PSG8: variants seen among roughly 807,000 people sequenced by gnomAD.
PSG8 encodes the protein pregnancy specific beta-1-glycoprotein 8, also known as pregnancy-specific beta-1-glycoprotein 8.
In PSG8, 57 loss-of-function variants were observed where a neutral mutation model predicts 42.5. The ratio of observed to expected loss-of-function variants is 1.34; its 90% CI spans 1.08 to 1.67. The LOEUF is 1.67. Among genes scored for constraint, PSG8 ranks in the 40% most tolerant of loss-of-function variants. The probability of loss-of-function intolerance (pLI) is 0.00; values close to 1 mark genes in which losing one functional copy is unlikely to be tolerated. For missense variants in PSG8, 783 were observed against 518.6 expected, an observed-to-expected ratio of 1.51 and a Z score of -4.95; for synonymous variants, 280 against 196.8, an observed-to-expected ratio of 1.42 and a Z score of -3.54.
rs534233812 is a variant in PSG8 at position 42,765,669 on chromosome 19, G to T, written c.-88C>A. On this transcript the variant is annotated 5_prime_UTR_variant, in exon 1 of 5. Coordinates refer to ENST00000306511, the MANE Select transcript of PSG8 (RefSeq NM_182707.3). ...GCACAGCTCTCAGCAGTGCTGTCCT[G>T]CCTCCTTCTGCGCTGAGCTTCTTCC... 1.2e-4 allele frequency: 191 copies of T among 1,539,378 alleles called. 1 individual carries two copies. In the East Asian group the frequency reaches 3.2e-3, roughly 26 times the overall value.
chr19:42,763,207 C>T (rs937021841), intron 2 of PSG8, among the ~76,000 whole-genome samples: 1 of 152,156 alleles, frequency 6.6e-6, no homozygotes, highest in African/African-American at 2.4e-5. Flanking sequence ...CCAGGTACAT[C>T]TTCTCTCTTG....
intron 1 of PSG8, 143 bp from the exon 2 acceptor site, chr19:42,764,424 A>T (rs935058551): frequency 1.4e-6 from 2 of 1,398,614 alleles, no homozygotes; most frequent in Non-Finnish European, 1.9e-6. Context: ...GCACACACAC[A>T]CACAAAAGCG....
intron 2 of PSG8, among the ~76,000 whole-genome samples, chr19:42,761,571 A>C (rs938868784): frequency 7.9e-5 from 12 of 152,136 alleles, no homozygotes; most frequent in Admixed American, 6.5e-5. Context: ...TGGCTCAGCC[A>C]GTCATGTGGT....
In PSG8 at chr19:42,755,140, C is replaced by T. The variant is rs374595113; in HGVS notation, c.836G>A (p.Ser279Asn). The change falls in exon 4 of 5, where the codon AGC (serine) becomes AAC (asparagine). Residue 279 changes from serine to asparagine, a missense_variant. Ser to Asn is a conservative substitution (Grantham distance 46). Transcript: ENST00000306511. The stretch of plus-strand genomic sequence containing the variant: ...CTTTACCCTGGGACTGACCGGGAGG[C>T]TCTGACCATTTAGCCACCAAATGTA... ...YTYIWWLNGQSLPVSPRVKRP... is the reference protein window; with the variant it reads ...YTYIWWLNGQNLPVSPRVKRP... 15 of 1,611,876 alleles carry T rather than the reference C, an allele frequency of 9.3e-6. No individual in the cohort carries two copies. The highest frequency in any genetic ancestry group is 1.3e-5 in the African/African-American group (1 of 74,930).
rs1969861771 is a variant in PSG8 at position 42,754,472 on chromosome 19, A to T, written c.1104T>A (p.Ile368=). ...SNPPAQYSWT[I]NGKFQLSGQK... ...GTCCTGATAGCTGAAACTTCCCATT[A>T]ATTGTCCAAGAATACTGTGCCGGTG... The change falls in exon 5 of 5, where the codon ATT becomes ATA. Residue 368 remains isoleucine, a synonymous_variant. Transcript: ENST00000306511. 1 of 1,613,772 alleles carries T rather than the reference A, an allele frequency of 6.2e-7. No homozygotes were observed. Among genetic ancestry groups the T allele is most frequent in the African/African-American group, 1.3e-5 (1 of 74,904 alleles).
intron 2 of PSG8, among the ~76,000 whole-genome samples, chr19:42,762,556 G>A (rs1270283503): frequency 6.6e-6 from 1 of 152,036 alleles, no homozygotes; most frequent in Non-Finnish European, 1.5e-5. Flanking sequence ...TTATGTGAGA[G>A]CTCCTGAGTG....
At chr19:42,764,413 C>T (rs755097770) in intron 1 of PSG8, 132 bp from the exon 2 acceptor site, 71 of 1,415,432 alleles carry the variant, frequency 5.0e-5, no homozygotes, top group South Asian at 1.1e-4. Context: ...TACAAACACA[C>T]GCACACACAC....
In PSG8 at chr19:42,763,909, C is replaced by G. The variant is rs201478462; in HGVS notation, c.430+7G>C. Reference sequence around the variant, plus strand: ...CCAACACCCAGGGATCATGTGGAATCACTCACGATATAAGGTGAAGGTGAA... The same window carrying G: ...CCAACACCCAGGGATCATGTGGAATGACTCACGATATAAGGTGAAGGTGAA... On this transcript the variant is annotated splice_region_variant and intron_variant, in intron 2 of 4. Coordinates refer to ENST00000306511, the MANE Select transcript of PSG8 (RefSeq NM_182707.3). 4,000 of 1,613,596 alleles carry G rather than the reference C, an allele frequency of 2.5e-3. 20 individuals are homozygous for G. Among genetic ancestry groups the G allele is most frequent in the Non-Finnish European group, 3.1e-3 (3,714 of 1,179,698 alleles).
rs562770561 is a variant in PSG8 at position 42,757,523 on chromosome 19, G to T, written c.709+479C>A. Among the ~76,000 whole-genome samples, 6 of 152,096 alleles carry T rather than the reference G, an allele frequency of 3.9e-5. No homozygotes were observed. The East Asian group carries it at 1.2e-3, about 29-fold the overall frequency. ...CTGCCAGTGGGTGAGAGTCTGTGAG[G>T]CAGGAGAGCTTGGGGACTTCCCCTG... On this transcript the variant is annotated intron_variant, in intron 3 of 4. Transcript: ENST00000306511.
At chr19:42,757,638 G>T (rs547452317) in intron 3 of PSG8, among the ~76,000 whole-genome samples, 1 of 152,084 alleles carries the variant, frequency 6.6e-6, no homozygotes, top group East Asian at 1.9e-4. Context: ...ATTTTCAGAG[G>T]GAAGGGAAAA....
intron 3 of PSG8, chr19:42,755,740 C>A (rs539456951): frequency 3.1e-4 from 55 of 178,622 alleles, no homozygotes; most frequent in Non-Finnish European, 4.8e-4. Context: ...TCCTGAAACC[C>A]TGAAGATACT....
At chr19:42,754,146 A>T, downstream of PSG8, 3 of 1,421,492 alleles carry the variant, frequency 2.1e-6, no homozygotes, top group Non-Finnish European at 2.9e-6. Context: ...TTTTATGAAG[A>T]TATCAGCCTG....
At position 42,764,085 on chromosome 19, in the gene PSG8, T is replaced by A. The variant is rs938657320; in HGVS notation, c.261A>T (p.Gln87His). The change falls in exon 2 of 5, where the codon CAA (glutamine) becomes CAT (histidine). Residue 87 changes from glutamine (Q) to histidine (H), a missense_variant. Transcript: ENST00000306511. ...TGTATGCAGGCCCATATATAATTAT[T>A]TGACCGTCTACTACATATGATGTAA... Reference protein sequence around the residue: ...HYITSYVVDGQIIIYGPAYSG... With the variant: ...HYITSYVVDGHIIIYGPAYSG... 3 of 1,613,784 alleles carry A rather than the reference T, an allele frequency of 1.9e-6. No homozygotes were observed. In the Admixed American group the frequency reaches 5.0e-5, roughly 27 times the overall value.
At chr19:42,765,453 A>T (rs927317280) in intron 1 of PSG8, 65 bp downstream of exon 1, 4 of 1,597,948 alleles carry the variant, frequency 2.5e-6, no homozygotes, top group East Asian at 2.2e-5. Context: ...CCATACTCTC[A>T]AGGAGACCCC....
chr19:42,758,217 A>C lies in PSG8; in HGVS notation c.494T>G (p.Val165Gly), dbSNP rs1969981028. Residue 165 changes from valine (V) to glycine (G), a missense_variant, in exon 3 of 5, where the codon GTG (valine) becomes GGG (glycine). Transcript: ENST00000306511. ...AGTCTCAGGATCACAGGTTAAGCTC[A>C]CAGCCTCCATGGCCTCCCTGGGGTT... ...KLNPREAMEAVSLTCDPETPD... is the reference protein window; with the variant it reads ...KLNPREAMEAGSLTCDPETPD... 1 of 1,614,074 alleles carries C rather than the reference A, an allele frequency of 6.2e-7. No homozygotes were observed. The highest frequency in any genetic ancestry group is 1.3e-5 in the African/African-American group (1 of 75,042).
rs1058758 is a variant in PSG8 at position 42,754,493 on chromosome 19, C to T, written c.1083G>A (p.Pro361=). The change falls in exon 5 of 5, where the codon CCG becomes CCA. Residue 361 remains proline, a synonymous_variant. Transcript: ENST00000306511. ...YLSCSADSNP[P]AQYSWTINGK... is the part of the protein sequence containing the mutation. ...CATTAATTGTCCAAGAATACTGTGC[C>T]GGTGGGTTAGAGTCCGCAGAACAGG... The T allele has an allele frequency of 1.7e-5, 27 of 1,613,650 alleles. 1 individual carries two copies. In the Middle Eastern group the frequency reaches 4.9e-4, roughly 30 times the overall value.
At chr19:42,753,657 C>T (rs1325029961), downstream of PSG8, among the ~76,000 whole-genome samples, 3 of 152,104 alleles carry the variant, frequency 2.0e-5, no homozygotes, top group African/African-American at 7.2e-5. Flanking sequence ...TGAGATTAAA[C>T]TTTTACAAAA....
Position 42,754,592 on chromosome 19 carries a change from A to G in PSG8, c.989-5T>C, listed in dbSNP as rs1484170729. On this transcript the variant is annotated splice_region_variant and splice_polypyrimidine_tract_variant and intron_variant, in intron 4 of 4. Transcript: ENST00000306511. ...TTCTGGGGAGGTCTGGACCATCTGG[A>G]GCAAAGAGAATAAAGCCACAGGTGA... 6 of 1,609,806 alleles carry G rather than the reference A, an allele frequency of 3.7e-6. No individual in the cohort carries two copies. Among genetic ancestry groups the G allele is most frequent in the Non-Finnish European group, 5.1e-6 (6 of 1,176,968 alleles).
At chr19:42,758,338 C>A in intron 2 of PSG8, 58 bp from the exon 3 acceptor site, 3 of 1,575,814 alleles carry the variant, frequency 1.9e-6, no homozygotes, top group Non-Finnish European at 2.6e-6. Context: ...CCTCCAAAGG[C>A]ATTTTTCAAT....
Sources: gnomAD v4.1 joint callset for allele counts (sites outside exome capture counted in the v4.1 genomes callset) on GRCh38, gnomAD v4.1.1 for gene constraint, MANE v1.5 for transcripts, NCBI Gene and HGNC (gene_info 2026-07-23, HGNC 2026-07-21) for gene names.